ARHGAP40: variants seen among roughly 807,000 people sequenced by gnomAD.
ARHGAP40 encodes the protein rho GTPase-activating protein 40.
A neutral mutation model predicts 73.5 loss-of-function variants in ARHGAP40; 43 were observed. That is an observed-to-expected ratio of 0.58 (90% CI 0.46 to 0.75). The LOEUF is 0.75. Ranked by LOEUF, ARHGAP40 falls within the 30% of genes least tolerant of loss-of-function variation. The pLI is 0.00. For missense variants in ARHGAP40, 734 were observed against 861.8 expected (o/e 0.85, Z 1.86); for synonymous variants, 300 against 352.8 (o/e 0.85, Z 1.68).
At chr20:38,615,363 G>T (rs995539933) in intron 1 of ARHGAP40, 2 of 756,994 alleles carry the variant, frequency 2.6e-6, no homozygotes, top group Non-Finnish European at 4.9e-6. Flanking sequence ...GGTAAACCAG[G>T]GTTAAAAGGC....
chr20:38,607,508 G>A (rs894901003), intron 1 of ARHGAP40, among the ~76,000 whole-genome samples: 1 of 152,282 alleles, frequency 6.6e-6, no homozygotes, highest in Non-Finnish European at 1.5e-5. Flanking sequence ...ACAAACCAGC[G>A]AAGGGCAGGT....
chr20:38,643,930 G>A lies in ARHGAP40; in HGVS notation c.1569+20G>A. On this transcript the variant is annotated intron_variant, in intron 11 of 14. Transcript: ENST00000373345. ...TGGACGGTGAGTGCTGCTGGGCGCT[G>A]GGTATCCCTCTGGGTGCAGCTGCCG... is the stretch of plus-strand genomic sequence containing the variant. The A allele has an allele frequency of 7.8e-7, 1 of 1,281,026 alleles. No homozygotes were observed. Among genetic ancestry groups the A allele is most frequent in the Non-Finnish European group, 1.0e-6 (1 of 975,120 alleles). The allele number at this position is 1,281,026 out of a possible 1,614,324, so 79.4% of individuals were successfully genotyped here.
At position 38,646,080 on chromosome 20, in the gene ARHGAP40, C is replaced by T; in HGVS notation, c.1603C>T (p.Leu535=). The T allele has an allele frequency of 7.7e-7, 1 of 1,304,248 alleles. No homozygotes were observed. The highest frequency in any genetic ancestry group is 1.0e-6 in the Non-Finnish European group (1 of 988,856). The allele number at this position is 1,304,248 out of a possible 1,614,324, so 80.8% of individuals were successfully genotyped here. Reference sequence around the variant, plus strand: ...TTTCCTGGTCGCCCAGGTGCGAAAACTGAACGACAGTAGCAGCAGGCGCCC... The same window carrying T: ...TTTCCTGGTCGCCCAGGTGCGAAAATTGAACGACAGTAGCAGCAGGCGCCC... Residue 535 remains leucine (L), a synonymous_variant, in exon 12 of 15, where the codon CTG becomes TTG. Transcript: ENST00000373345. This position sits in a 1 kb window ranked among gnomAD's most constrained non-coding sequence, Gnocchi z 4.5.
At chr20:38,612,720 A>G (rs1436625417) in intron 1 of ARHGAP40, among the ~76,000 whole-genome samples, 1 of 152,080 alleles carries the variant, frequency 6.6e-6, no homozygotes, top group Admixed American at 6.6e-5. Flanking sequence ...AGGAAAGGAA[A>G]GAAAAGAAAA....
chr20:38,608,311 T>G (rs9917451), intron 1 of ARHGAP40, among the ~76,000 whole-genome samples: 4,934 of 152,246 alleles, frequency 0.032, 255 homozygotes, highest in African/African-American at 0.11. Flanking sequence ...ACTGACTTGT[T>G]TCTTTAAAAC....
chr20:38,602,499 C>G (rs1427017739), intron 1 of ARHGAP40, among the ~76,000 whole-genome samples: 1 of 152,160 alleles, frequency 6.6e-6, no homozygotes, highest in Non-Finnish European at 1.5e-5. Context: ...CGGCTGAGAA[C>G]TGGTCACCCC....
exon 4 of ARHGAP40, chr20:38,628,935 G>A (rs546002152): frequency 3.8e-5 from 50 of 1,304,508 alleles, no homozygotes; most frequent in East Asian, 3.3e-4. Flanking sequence ...AGAAAATGTC[G>A]TCAGAGAATG....
exon 6 of ARHGAP40, chr20:38,634,709 C>T: frequency 1.5e-6 from 2 of 1,305,336 alleles, no homozygotes; most frequent in Non-Finnish European, 2.0e-6. Flanking sequence ...CTCTGGCCCT[C>T]ATAGAGCTGA....
At chr20:38,630,901 C>G (rs942261471) in intron 5 of ARHGAP40, among the ~76,000 whole-genome samples, 1 of 152,138 alleles carries the variant, frequency 6.6e-6, no homozygotes, top group Non-Finnish European at 1.5e-5. Flanking sequence ...TCTTTGACCA[C>G]GTGATGATGC....
chr20:38,634,633 C>T (rs1452896120), exon 6 of ARHGAP40: 1 of 1,305,404 alleles, frequency 7.7e-7, no homozygotes, highest in Admixed American at 2.3e-5. Context: ...TTTACCGTCC[C>T]CAAAGGCAGA....
rs1174274675 is a variant in ARHGAP40, at chr20:38,637,752, G to A, written c.994G>A (p.Asp332Asn). 4.6e-6 allele frequency: 6 copies of A among 1,305,274 alleles called. No homozygotes were observed. The Admixed American group carries it at 1.4e-4, about 30-fold the overall frequency. The allele number at this position is 1,305,274 out of a possible 1,614,324, so 80.9% of individuals were successfully genotyped here. A position where few individuals can be genotyped will look rare whatever the true frequency, so the allele number is the denominator to read the frequency against. The change falls in exon 7 of 15, where the codon GAC (aspartate) becomes AAC (asparagine). Residue 332 changes from aspartate to asparagine, a missense_variant. Physicochemically the swap from Asp to Asn is conservative, Grantham distance 23. Coordinates refer to ENST00000373345, the Ensembl canonical transcript of ARHGAP40. ...GCCCCTTGACAGCCTGCTAGAAGCT[G>A]ACCACAAAGTCCTCCCCAGCACACA...
intron 9 of ARHGAP40, 59 bp downstream of exon 9, chr20:38,639,445 G>C (rs557133327): frequency 7.8e-7 from 1 of 1,277,668 alleles, no homozygotes; most frequent in South Asian, 1.2e-5. Context: ...ACTGGCCTTG[G>C]TGGAGAGGGG....
chr20:38,643,725 A>G (rs1401528784), exon 11 of ARHGAP40: 1 of 1,305,800 alleles, frequency 7.7e-7, no homozygotes. Flanking sequence ...ATTCCTCAGG[A>G]AGGTGGTGGC....
At chr20:38,623,899 C>T (rs1461702802) in intron 2 of ARHGAP40, among the ~76,000 whole-genome samples, 2 of 152,212 alleles carry the variant, frequency 1.3e-5, no homozygotes, top group Non-Finnish European at 2.9e-5. Context: ...TATATACAGA[C>T]CTAATGTTCT....
intron 11 of ARHGAP40, 74 bp from the exon 12 acceptor site, chr20:38,645,973 G>A (rs776986087): frequency 8.4e-7 from 1 of 1,191,312 alleles, no homozygotes; most frequent in South Asian, 1.5e-5. Flanking sequence ...AGGCCACGAT[G>A]ACCCTGGAGA....
intron 1 of ARHGAP40, among the ~76,000 whole-genome samples, chr20:38,603,451 A>ATCTATG (rs1555889759): frequency 1.3e-5 from 2 of 150,012 alleles, no homozygotes; most frequent in Non-Finnish European, 3.0e-5. Flanking sequence ...CTATCTATCT[A>ATCTATG]TCTATCTATC....
At chr20:38,639,556 G>C (rs530343282) in intron 9 of ARHGAP40, among the ~76,000 whole-genome samples, 170 bp downstream of exon 9, 1 of 152,258 alleles carries the variant, frequency 6.6e-6, no homozygotes, top group Non-Finnish European at 1.5e-5. Context: ...AGCCCAATGT[G>C]TGCACATACA....
chr20:38,635,004 C>A (rs942874296), intron 6 of ARHGAP40, among the ~76,000 whole-genome samples: 9 of 151,986 alleles, frequency 5.9e-5, no homozygotes, highest in African/African-American at 2.2e-4. Context: ...GCCTCAGCCA[C>A]CCGAGTAGCT....
rs1222370316 is a variant in ARHGAP40, at chr20:38,634,606, C to T, written c.784-14C>T. ...AGCCTGACAAATTGTCTTTACTTCC[C>T]TCTCTATTAATAGAAGTTTACCGTC... On this transcript the variant is annotated splice_polypyrimidine_tract_variant and intron_variant, in intron 5 of 14. Coordinates refer to ENST00000373345, the Ensembl canonical transcript of ARHGAP40. 2.3e-6 allele frequency: 3 copies of T among 1,305,292 alleles called. No individual in the cohort carries two copies. The highest frequency in any genetic ancestry group is 5.5e-5 in the East Asian group (1 of 18,038). The allele number at this position is 1,305,292 out of a possible 1,614,324, so 80.9% of individuals were successfully genotyped here. A position where few individuals can be genotyped will look rare whatever the true frequency, so the allele number is the denominator to read the frequency against.
Sources: allele counts gnomAD v4.1 joint callset (sites outside exome capture counted in the v4.1 genomes callset), GRCh38; gene constraint gnomAD v4.1.1; non-coding constraint Gnocchi (gnomAD v3.1); transcripts MANE v1.5; gene names NCBI Gene and HGNC (gene_info 2026-07-23, HGNC 2026-07-21).